Variants in SRPK2 observed in about 807,000 individuals in gnomAD.
SRPK2 encodes SFRS protein kinase 2.
In SRPK2, 21 loss-of-function variants were observed where a neutral mutation model predicts 90.8. The ratio of observed to expected loss-of-function variants is 0.23; its 90% CI spans 0.16 to 0.33. The LOEUF (loss-of-function observed/expected upper bound fraction) is 0.33, where lower values mean the gene tolerates loss of function less well. SRPK2 is among the 10% of genes least tolerant of loss of function. SRPK2 has a pLI of 1.00. For missense variants in SRPK2, 620 were observed against 869.0 expected (o/e 0.71, Z 3.60); for synonymous variants, 288 against 311.1 (o/e 0.93, Z 0.78).
chr7:105,393,885 C>G (rs1277336623), upstream of SRPK2, among the ~76,000 whole-genome samples: 1 of 151,834 alleles, frequency 6.6e-6, no homozygotes, highest in Admixed American at 6.6e-5. Context: ...TTATAGTGAA[C>G]TATGATCGCG....
chr7:105,182,396 A>C (rs1456941404), intron 3 of SRPK2, among the ~76,000 whole-genome samples: 2 of 151,828 alleles, frequency 1.3e-5, no homozygotes, highest in East Asian at 1.9e-4. Flanking sequence ...ACATTGAATC[A>C]GACTTTGAAG....
At chr7:105,272,095 CTT>C (rs766241237) in intron 2 of SRPK2, among the ~76,000 whole-genome samples, 2 of 152,158 alleles carry the variant, frequency 1.3e-5, no homozygotes, top group African/African-American at 2.4e-5. Context: ...AAATGACTCT[CTT>C]GTCATTTTAA....
chr7:105,336,211 A>C (rs927584678), intron 2 of SRPK2, among the ~76,000 whole-genome samples: 1 of 152,154 alleles, frequency 6.6e-6, no homozygotes, highest in Admixed American at 6.5e-5. Context: ...TTAATAGAAA[A>C]CACAGAGAAA....
chr7:105,226,736 T>C (rs1329962481), intron 2 of SRPK2, among the ~76,000 whole-genome samples: 1 of 98,086 alleles, frequency 1.0e-5, no homozygotes, highest in Non-Finnish European at 2.3e-5. Flanking sequence ...CCAGGCACGA[T>C]GGCTCATACC....
At chr7:105,169,370 T>C in intron 3 of SRPK2, 105 bp from the exon 4 acceptor site, 1 of 789,094 alleles carries the variant, frequency 1.3e-6, no homozygotes, top group Non-Finnish European at 2.0e-6. Flanking sequence ...AAGCTCTACA[T>C]AATACATGCA....
chr7:105,365,921 C>CT (rs1563292694), intron 2 of SRPK2, among the ~76,000 whole-genome samples: 2 of 151,528 alleles, frequency 1.3e-5, no homozygotes, highest in Admixed American at 1.3e-4. Context: ...ATGGCGCGAT[C>CT]TCGGCTCACT....
chr7:105,146,846 A>AGT (rs1226945228), intron 7 of SRPK2, among the ~76,000 whole-genome samples, 188 bp from the exon 8 acceptor site: 1 of 152,202 alleles, frequency 6.6e-6, no homozygotes, highest in Non-Finnish European at 1.5e-5. Context: ...ATAAGCAACC[A>AGT]GTGTGTATAA....
intron 2 of SRPK2, among the ~76,000 whole-genome samples, chr7:105,213,378 G>A (rs1179811101): frequency 6.6e-6 from 1 of 152,136 alleles, no homozygotes; most frequent in African/African-American, 2.4e-5. Flanking sequence ...TGAAGCAAAG[G>A]TGATTGAAAC....
At chr7:105,331,708 C>T (rs895628520) in intron 2 of SRPK2, among the ~76,000 whole-genome samples, 6 of 152,050 alleles carry the variant, frequency 3.9e-5, no homozygotes, top group Non-Finnish European at 8.8e-5. Flanking sequence ...CCGGAAAACA[C>T]AGTAAATAGC....
At chr7:105,338,614 TTAAA>T (rs1162466061) in intron 2 of SRPK2, among the ~76,000 whole-genome samples, 1 of 152,210 alleles carries the variant, frequency 6.6e-6, no homozygotes, top group Non-Finnish European at 1.5e-5. Context: ...AGCACTGACC[TTAAA>T]GGCTAGTATT....
intron 7 of SRPK2, among the ~76,000 whole-genome samples, chr7:105,154,862 A>G (rs1806265682): frequency 6.6e-6 from 1 of 151,680 alleles, no homozygotes; most frequent in South Asian, 2.1e-4. Context: ...TTTAGTAGAG[A>G]TGGGGTTTCA....
intron 2 of SRPK2, among the ~76,000 whole-genome samples, chr7:105,326,788 G>A (rs1291055614): frequency 1.3e-5 from 2 of 152,182 alleles, no homozygotes; most frequent in Non-Finnish European, 2.9e-5. Context: ...GTGGCCGGGC[G>A]CGGTGGCTCA....
intron 2 of SRPK2, among the ~76,000 whole-genome samples, chr7:105,230,623 T>A (rs987777119): frequency 6.6e-6 from 1 of 152,156 alleles, no homozygotes; most frequent in African/African-American, 2.4e-5. Flanking sequence ...CCACTCACAT[T>A]TGTCCCGGTT....
chr7:105,258,277 C>T (rs1206973163), intron 2 of SRPK2, among the ~76,000 whole-genome samples: 1 of 151,714 alleles, frequency 6.6e-6, no homozygotes, highest in Non-Finnish European at 1.5e-5. Flanking sequence ...ATCAGCCAGG[C>T]GTGGTGGCAT....
At chr7:105,369,003 G>A (rs1645671673) in intron 2 of SRPK2, among the ~76,000 whole-genome samples, 1 of 151,868 alleles carries the variant, frequency 6.6e-6, no homozygotes, top group South Asian at 2.1e-4. Context: ...GCTGCCTTGG[G>A]GAGCACCCCA....
intron 7 of SRPK2, among the ~76,000 whole-genome samples, chr7:105,151,053 GA>G (rs1245346427): frequency 2.0e-5 from 3 of 152,106 alleles, no homozygotes; most frequent in Non-Finnish European, 4.4e-5. Context: ...TGCACCTCAT[GA>G]CAAGCAAGAA....
At chr7:105,149,178 C>A (rs529068765) in intron 7 of SRPK2, among the ~76,000 whole-genome samples, 406 of 152,296 alleles carry the variant, frequency 2.7e-3, no homozygotes, top group African/African-American at 7.5e-3. Flanking sequence ...CCCCTGGGAA[C>A]TGAATGTCTC....
chr7:105,325,769 A>G (rs1379009909), intron 2 of SRPK2, among the ~76,000 whole-genome samples: 4 of 152,160 alleles, frequency 2.6e-5, no homozygotes, highest in African/African-American at 9.6e-5. Context: ...CAGGGGGATC[A>G]CCTGAGCCCA....
rs1017279762 is a variant in SRPK2 at position 105,268,709 on chromosome 7, G to A, written c.72-64924C>T. ...ACAATACCAGCATGCAGGACAATAC[G>A]TTATATAGCAAACTTGACAAGAAAA... On this transcript the variant is annotated intron_variant, in intron 2 of 15. Coordinates refer to ENST00000393651, the MANE Select transcript of SRPK2 (RefSeq NM_182692.3). The A allele has an allele frequency of 1.7e-5, 23 of 1,389,664 alleles. No individual in the cohort carries two copies. In the African/African-American group the frequency reaches 1.8e-4, roughly 11 times the overall value. The allele number at this position is 1,389,664 out of a possible 1,614,324, so 86.1% of individuals were successfully genotyped here. A position where few individuals can be genotyped will look rare whatever the true frequency, so the allele number is the denominator to read the frequency against.
Sources: allele counts gnomAD v4.1 joint callset (sites outside exome capture counted in the v4.1 genomes callset), GRCh38; gene constraint gnomAD v4.1.1; transcripts MANE v1.5; gene names NCBI Gene and HGNC (gene_info 2026-07-23, HGNC 2026-07-21).